SCP2: variants seen among roughly 807,000 people sequenced by gnomAD.
SCP2 encodes SCP-2/3-oxoacyl-CoA thiolase.
A neutral mutation model predicts 71.4 loss-of-function variants in SCP2; 48 were observed. The ratio of observed to expected loss-of-function variants is 0.67; its 90% CI spans 0.53 to 0.86. The LOEUF is 0.86. Among genes scored for constraint, SCP2 ranks in the 40% least tolerant of loss-of-function variants. The pLI is 0.00. For missense variants in SCP2, 560 were observed against 655.6 expected, an observed-to-expected ratio of 0.85 and a Z score of 1.59; for synonymous variants, 220 against 218.1, an observed-to-expected ratio of 1.01 and a Z score of -0.08.
chr1:53,044,086 C>T (rs974767492), intron 14 of SCP2, among the ~76,000 whole-genome samples: 2 of 150,846 alleles, frequency 1.3e-5, no homozygotes, highest in Admixed American at 1.3e-4. Flanking sequence ...GAGATGGAGT[C>T]TCACTCTTGT....
chr1:52,993,794 A>G (rs1312685218), intron 11 of SCP2: 7 of 1,549,814 alleles, frequency 4.5e-6, no homozygotes, highest in Non-Finnish European at 2.6e-6. Context: ...CCCCAGCACC[A>G]AGAGGTAATC....
chr1:52,988,882 G>C (rs1259770809), intron 11 of SCP2, among the ~76,000 whole-genome samples: 1 of 151,642 alleles, frequency 6.6e-6, no homozygotes, highest in African/African-American at 2.4e-5. Flanking sequence ...AGTAGAGATG[G>C]AGTTTCACCA....
intron 1 of SCP2, among the ~76,000 whole-genome samples, chr1:52,934,694 G>A (rs149497491): frequency 0.028 from 3,699 of 130,180 alleles, 135 homozygotes; most frequent in African/African-American, 0.083. Flanking sequence ...CTCACTGCAA[G>A]CTCCACCTCC....
chr1:52,940,117 A>G (rs1031117067), intron 1 of SCP2, among the ~76,000 whole-genome samples: 1 of 152,104 alleles, frequency 6.6e-6, no homozygotes, highest in African/African-American at 2.4e-5. Flanking sequence ...TTTAAAAAAC[A>G]TTGTCATCTG....
At chr1:52,934,926 A>G (rs1232761168) in intron 1 of SCP2, 1 of 147,658 alleles carries the variant, frequency 6.8e-6, no homozygotes, top group Non-Finnish European at 1.5e-5. Flanking sequence ...CGGCCTCCCA[A>G]GTGCTGGGAT....
chr1:52,978,418 G>A (rs1447619565), intron 9 of SCP2, 51 bp downstream of exon 9: 1 of 1,369,274 alleles, frequency 7.3e-7, no homozygotes, highest in Admixed American at 1.7e-5. Flanking sequence ...GGAGTCTCAT[G>A]ATTCTTGTGA....
chr1:53,031,183 G>GT (rs1450216822), intron 13 of SCP2, among the ~76,000 whole-genome samples: 1 of 152,050 alleles, frequency 6.6e-6, no homozygotes, highest in East Asian at 1.9e-4. Flanking sequence ...CTACTATGAA[G>GT]TATGAGATAT....
At chr1:52,952,298 T>C (rs1350406154) in intron 4 of SCP2, among the ~76,000 whole-genome samples, 1 of 152,192 alleles carries the variant, frequency 6.6e-6, no homozygotes, top group Admixed American at 6.5e-5. Flanking sequence ...CATATATCAG[T>C]ACTTAATTCC....
At chr1:52,999,369 C>T (rs1056398630) in intron 11 of SCP2, among the ~76,000 whole-genome samples, 1 of 152,116 alleles carries the variant, frequency 6.6e-6, no homozygotes, top group African/African-American at 2.4e-5. Context: ...AATGGTCAAG[C>T]GAAGTTCCAA....
At chr1:52,970,153 G>A (rs567281716) in intron 6 of SCP2, among the ~76,000 whole-genome samples, 1 of 151,962 alleles carries the variant, frequency 6.6e-6, no homozygotes, top group African/African-American at 2.4e-5. Context: ...AAATTTCCAG[G>A]TGGACTTTTA....
intron 5 of SCP2, among the ~76,000 whole-genome samples, chr1:52,955,378 C>T (rs1373033043): frequency 1.3e-5 from 2 of 152,128 alleles, no homozygotes; most frequent in African/African-American, 4.8e-5. Flanking sequence ...CTCAGGCCTT[C>T]CCAAGATCAG....
chr1:53,037,056 G>A (rs1160336975), intron 13 of SCP2, among the ~76,000 whole-genome samples: 3 of 152,100 alleles, frequency 2.0e-5, no homozygotes, highest in Non-Finnish European at 4.4e-5. Context: ...AGAATCGCTC[G>A]AACCCAGGAG....
intron 1 of SCP2, among the ~76,000 whole-genome samples, chr1:52,936,890 G>A (rs1485582228): frequency 1.3e-5 from 2 of 151,996 alleles, no homozygotes; most frequent in Non-Finnish European, 2.9e-5. Flanking sequence ...CCTGGGTGAT[G>A]GTAGCAAGGG....
chr1:52,945,495 G>C (rs1654695300), intron 2 of SCP2, among the ~76,000 whole-genome samples: 1 of 152,058 alleles, frequency 6.6e-6, no homozygotes. Flanking sequence ...TGAGGTCAAG[G>C]GTTCGAGACC....
chr1:52,994,948 T>C, intron 11 of SCP2: 1 of 518,886 alleles, frequency 1.9e-6, no homozygotes, highest in Non-Finnish European at 3.8e-6. Flanking sequence ...GACCATGGAC[T>C]CTGCTAGCTC....
intron 11 of SCP2, among the ~76,000 whole-genome samples, chr1:52,989,755 A>G (rs2150189402): frequency 6.6e-6 from 1 of 152,270 alleles, no homozygotes; most frequent in Middle Eastern, 3.4e-3. Flanking sequence ...TCAGGTGCCA[A>G]TTGGGGTAAA....
chr1:52,987,006 ATTTTTT>A (rs1163545483), intron 10 of SCP2, among the ~76,000 whole-genome samples: 1,636 of 110,456 alleles, frequency 0.015, 41 homozygotes, highest in African/African-American at 0.061. Flanking sequence ...ATATATATAT[ATTTTTT>A]TTTTTTTTTT....
chr1:53,009,069 G>A (rs956055662), intron 11 of SCP2, among the ~76,000 whole-genome samples: 5 of 152,104 alleles, frequency 3.3e-5, no homozygotes, highest in African/African-American at 1.2e-4. Context: ...CAACTTACAA[G>A]GGATGTGAAG....
chr1:53,004,934 G>A (rs376449135), intron 11 of SCP2, among the ~76,000 whole-genome samples: 62 of 152,266 alleles, frequency 4.1e-4, no homozygotes, highest in African/African-American at 1.3e-3. Context: ...CTAATACTGC[G>A]CTTTTCCAAT....
Sources: allele counts gnomAD v4.1 joint callset (sites outside exome capture counted in the v4.1 genomes callset), GRCh38; gene constraint gnomAD v4.1.1; transcripts MANE v1.5; gene names NCBI Gene and HGNC (gene_info 2026-07-23, HGNC 2026-07-21).